The following NRG1 variants were observed in gnomAD, a reference collection of about 807,000 sequenced individuals.
The protein encoded by NRG1 is neuregulin 1, also known as pro-neuregulin-1, membrane-bound isoform.
NRG1 carries 18 observed loss-of-function variants against 63.8 expected under a neutral mutation model. The ratio of observed to expected loss-of-function variants is 0.28; its 90% confidence interval spans 0.19 to 0.42. NRG1 has a LOEUF of 0.42. NRG1 is among the 10% of genes least tolerant of loss of function. The probability of loss-of-function intolerance (pLI) is 1.00; values close to 1 mark genes in which losing one functional copy is unlikely to be tolerated. For synonymous variants in NRG1, 302 were observed against 301.3 expected, an observed-to-expected ratio of 1.00 and a Z score of -0.02; for missense variants, 762 against 814.7, an observed-to-expected ratio of 0.94 and a Z score of 0.79.
chr8:31,875,401 C>T (rs1829835291), intron 1 of NRG1, among the ~76,000 whole-genome samples: 1 of 152,140 alleles, frequency 6.6e-6, no homozygotes, highest in East Asian at 1.9e-4. Context: ...AAAGAAAGGC[C>T]ACTTTATAAT....
In NRG1 at chr8:31,875,449, A is replaced by C. The variant is rs117928571; in HGVS notation, c.37+236018A>C. ...GATCACGAACAGCACTGTAAGACCCAGACTGTCAACTTGTGCTTTTGAGGT... is the reference window on the plus strand; with the variant it reads ...GATCACGAACAGCACTGTAAGACCCCGACTGTCAACTTGTGCTTTTGAGGT... On this transcript the variant is annotated intron_variant, in intron 1 of 10. Transcript: ENST00000519301. Among the ~76,000 whole-genome samples the C allele has an allele frequency of 6.2e-3, 950 of 152,336 alleles. 5 individuals carry two copies. The highest frequency in any genetic ancestry group is 8.0e-3 in the Non-Finnish European group (543 of 68,030).
intron 1 of NRG1, among the ~76,000 whole-genome samples, chr8:31,854,670 C>A (rs954539009): frequency 6.6e-6 from 1 of 152,060 alleles, no homozygotes; most frequent in Non-Finnish European, 1.5e-5. Flanking sequence ...AATGTGTTTG[C>A]TCTTGCTTTT....
intron 5 of NRG1, among the ~76,000 whole-genome samples, chr8:32,708,358 T>C (rs1172140985): frequency 1.3e-5 from 2 of 152,246 alleles, no homozygotes; most frequent in Non-Finnish European, 2.9e-5. Context: ...ATGTGAAGAA[T>C]TCTTAACTTG....
In NRG1 at chr8:31,927,694, C is replaced by T. The variant is rs566409644; in HGVS notation, c.37+288263C>T. Among the ~76,000 whole-genome samples the T allele has an allele frequency of 3.6e-4, 53 of 149,140 alleles. 1 individual carries two copies. The East Asian group carries it at 6.9e-3, about 19-fold the overall frequency. On this transcript the variant is annotated intron_variant, in intron 1 of 10. Coordinates refer to the NRG1 transcript ENST00000519301. ...CGATCTCCTGACCTCGTGATCCGCC[C>T]GCCTCGGCCTCCCAAAGTGCTGGGA...
intron 1 of NRG1, among the ~76,000 whole-genome samples, chr8:32,340,222 A>G (rs13271774): frequency 6.6e-6 from 1 of 152,228 alleles, no homozygotes; most frequent in African/African-American, 2.4e-5. Context: ...AAAAAATAAA[A>G]CAATATGCAT....
intron 1 of NRG1, among the ~76,000 whole-genome samples, chr8:32,270,269 T>C (rs543230677): frequency 4.1e-4 from 62 of 152,298 alleles, no homozygotes; most frequent in Non-Finnish European, 8.1e-4. Flanking sequence ...AAAACAGTAA[T>C]TGTCCAAGCC....
At chr8:32,325,870 C>T (rs898905516) in intron 1 of NRG1, among the ~76,000 whole-genome samples, 1 of 152,190 alleles carries the variant, frequency 6.6e-6, no homozygotes, top group African/African-American at 2.4e-5. Flanking sequence ...GCTTACAGCA[C>T]AACACAGTGA....
At chr8:32,544,906 G>A (rs1832928248), upstream of NRG1, among the ~76,000 whole-genome samples, 1 of 152,030 alleles carries the variant, frequency 6.6e-6, no homozygotes, top group African/African-American at 2.4e-5. Flanking sequence ...ACTCTGCTGA[G>A]TGAGATTTTC....
chr8:32,256,101 A>G (rs1849673096), intron 1 of NRG1, among the ~76,000 whole-genome samples: 1 of 152,286 alleles, frequency 6.6e-6, no homozygotes, highest in Non-Finnish European at 1.5e-5. Flanking sequence ...TCTAGTAAGC[A>G]ATTCCTCTAA....
intron 3 of NRG1, among the ~76,000 whole-genome samples, chr8:32,607,280 G>C (rs538996233): frequency 6.6e-6 from 1 of 152,064 alleles, no homozygotes; most frequent in East Asian, 1.9e-4. Flanking sequence ...AATTTTAATG[G>C]GCTGTTTTTT....
chr8:32,088,293 T>G (rs1335667258), intron 1 of NRG1, among the ~76,000 whole-genome samples: 1 of 152,164 alleles, frequency 6.6e-6, no homozygotes, highest in Admixed American at 6.5e-5. Context: ...TAACGAAAAT[T>G]CAACAAGTAT....
chr8:32,233,826 A>G (rs1239127806), intron 1 of NRG1, among the ~76,000 whole-genome samples: 3 of 151,936 alleles, frequency 2.0e-5, no homozygotes, highest in East Asian at 3.9e-4. Flanking sequence ...CAGCCTCCCA[A>G]AGTGCTGGGA....
chr8:31,719,313 G>A (rs1812673090), intron 1 of NRG1, among the ~76,000 whole-genome samples: 1 of 152,136 alleles, frequency 6.6e-6, no homozygotes, highest in Non-Finnish European at 1.5e-5. Context: ...AAACAAAATT[G>A]TTTACATTCT....
chr8:32,128,083 C>T lies in NRG1; in HGVS notation c.38-467745C>T, dbSNP rs1834338234. ...TTATTCTCCAATCCCTGCTCTGCAA[C>T]ATATTTGGCTGAACATTTTTGGCTG... On this transcript the variant is annotated intron_variant, in intron 1 of 10. Transcript: ENST00000519301. Among the ~76,000 whole-genome samples, 4 of 151,954 alleles carry T rather than the reference C, an allele frequency of 2.6e-5. No homozygotes were observed. The South Asian group carries it at 8.3e-4, about 31-fold the overall frequency.
At chr8:32,213,541 A>G (rs1844906987) in intron 1 of NRG1, among the ~76,000 whole-genome samples, 1 of 152,152 alleles carries the variant, frequency 6.6e-6, no homozygotes, top group Non-Finnish European at 1.5e-5. Context: ...CGATAGGTGC[A>G]GCAAACCACC....
chr8:32,697,483 A>T (rs1203812981), intron 5 of NRG1, among the ~76,000 whole-genome samples: 2 of 151,822 alleles, frequency 1.3e-5, no homozygotes, highest in African/African-American at 2.4e-5. Context: ...TATTGCCTAT[A>T]TGATAATGTT....
intron 1 of NRG1, among the ~76,000 whole-genome samples, chr8:31,720,331 A>G (rs1023113333): frequency 6.6e-6 from 1 of 151,996 alleles, no homozygotes; most frequent in African/African-American, 2.4e-5. Flanking sequence ...TTTTTTTCCA[A>G]CTTTTAAGTT....
chr8:32,676,813 A>G (rs1184110609), intron 5 of NRG1, among the ~76,000 whole-genome samples: 1 of 152,148 alleles, frequency 6.6e-6, no homozygotes, highest in Admixed American at 6.6e-5. Context: ...AACAATCAAC[A>G]TTTAAGTTTT....
intron 1 of NRG1, among the ~76,000 whole-genome samples, chr8:32,095,199 T>G (rs1392948606): frequency 6.6e-6 from 1 of 152,200 alleles, no homozygotes; most frequent in Non-Finnish European, 1.5e-5. Flanking sequence ...CGTGAGCCTC[T>G]GCGCCGTGCC....
Sources: allele counts gnomAD v4.1 joint callset (sites outside exome capture counted in the v4.1 genomes callset), GRCh38; gene constraint gnomAD v4.1.1; transcripts MANE v1.5; gene names NCBI Gene and HGNC (gene_info 2026-07-23, HGNC 2026-07-21).